RIT2: variants seen among roughly 807,000 people sequenced by gnomAD.
The protein encoded by RIT2 is Ras like without CAAX 2.
RIT2 carries 24 observed loss-of-function variants against 23.7 expected under a neutral mutation model. That is an observed-to-expected ratio of 1.01 (90% confidence interval 0.73 to 1.43). The LOEUF is 1.43. RIT2 is among the 40% of genes most tolerant of loss of function. The pLI is 0.00. For missense variants in RIT2, 236 were observed against 266.9 expected, an observed-to-expected ratio of 0.88 and a Z score of 0.81; for synonymous variants, 107 against 91.1, an observed-to-expected ratio of 1.17 and a Z score of -0.99.
chr18:42,826,921 G>A (rs914162612), intron 4 of RIT2, among the ~76,000 whole-genome samples: 2 of 151,852 alleles, frequency 1.3e-5, no homozygotes, highest in Non-Finnish European at 2.9e-5. Flanking sequence ...TGTCTCTATT[G>A]GATAAAATTA....
At chr18:42,990,912 G>GTTTTTTT (rs77172671) in intron 2 of RIT2, among the ~76,000 whole-genome samples, 11 of 133,066 alleles carry the variant, frequency 8.3e-5, no homozygotes, top group East Asian at 2.3e-4. Context: ...CACTGGTTTT[G>GTTTTTTT]TTTTTTTTTT....
chr18:43,034,759 G>A (rs1404519807), intron 1 of RIT2, among the ~76,000 whole-genome samples: 1 of 152,120 alleles, frequency 6.6e-6, no homozygotes, highest in Admixed American at 6.5e-5. Flanking sequence ...ATCCTGCTAA[G>A]TCAGTTTAGA....
At chr18:42,921,250 A>G (rs967048985) in intron 4 of RIT2, among the ~76,000 whole-genome samples, 1 of 152,152 alleles carries the variant, frequency 6.6e-6, no homozygotes, top group Admixed American at 6.6e-5. Flanking sequence ...TTTTACATCA[A>G]CACTTCATTA....
chr18:42,951,011 A>G (rs1430551587), intron 3 of RIT2, among the ~76,000 whole-genome samples: 1 of 152,096 alleles, frequency 6.6e-6, no homozygotes. Context: ...CAGTTTGAAG[A>G]TTTCTCAGAG....
At chr18:42,832,473 G>A (rs1473253688) in intron 4 of RIT2, among the ~76,000 whole-genome samples, 2 of 152,072 alleles carry the variant, frequency 1.3e-5, no homozygotes, top group Non-Finnish European at 2.9e-5. Flanking sequence ...AATTCCCACT[G>A]TCAGAACACA....
At chr18:42,846,339 TATAAA>T (rs932122095) in intron 4 of RIT2, among the ~76,000 whole-genome samples, 6 of 151,938 alleles carry the variant, frequency 3.9e-5, no homozygotes, top group African/African-American at 1.4e-4. Flanking sequence ...ATTTTATAAT[TATAAA>T]ATAAATCTGT....
At position 43,027,013 on chromosome 18, in the gene RIT2, G is replaced by A. The variant is rs138725604; in HGVS notation, c.160+6798C>T. Reference sequence around the variant, plus strand: ...TACAGAAGTTAGAGGGAAATCAAGCGAGTATGATATGTTGTATGCCAAGTG... The same window carrying A: ...TACAGAAGTTAGAGGGAAATCAAGCAAGTATGATATGTTGTATGCCAAGTG... On this transcript the variant is annotated intron_variant, in intron 2 of 4. Transcript: ENST00000326695. Among the ~76,000 whole-genome samples, 413 of 152,234 alleles carry A rather than the reference G, an allele frequency of 2.7e-3. 2 individuals are homozygous for A. The highest frequency in any genetic ancestry group is 4.7e-3 in the Admixed American group (72 of 15,278).
intron 4 of RIT2, among the ~76,000 whole-genome samples, chr18:42,827,622 T>C (rs1272433128): frequency 6.6e-6 from 1 of 151,798 alleles, no homozygotes; most frequent in Non-Finnish European, 1.5e-5. Flanking sequence ...TGGCAAAATA[T>C]AAAATAAACA....
At chr18:42,968,770 G>T (rs111453651) in intron 3 of RIT2, among the ~76,000 whole-genome samples, 232 of 152,216 alleles carry the variant, frequency 1.5e-3, no homozygotes, top group Non-Finnish European at 2.6e-3. Context: ...AGATGGACTA[G>T]GTAATACCAG....
intron 1 of RIT2, among the ~76,000 whole-genome samples, chr18:43,105,066 T>C (rs2144243707): frequency 6.6e-6 from 1 of 151,818 alleles, no homozygotes; most frequent in Non-Finnish European, 1.5e-5. Context: ...TAGCAGGCAA[T>C]TGTCCTCCAG....
At chr18:42,747,420 C>T (rs748731127) in intron 4 of RIT2, among the ~76,000 whole-genome samples, 2 of 151,908 alleles carry the variant, frequency 1.3e-5, no homozygotes, top group African/African-American at 2.4e-5. Flanking sequence ...CAAATGAAAA[C>T]ACATCCCATG....
At chr18:43,046,439 T>C (rs1312828219) in intron 1 of RIT2, among the ~76,000 whole-genome samples, 1 of 152,198 alleles carries the variant, frequency 6.6e-6, no homozygotes, top group Non-Finnish European at 1.5e-5. Flanking sequence ...GGATTTCATC[T>C]TGCCTCCACA....
chr18:42,953,740 C>A (rs1909907903), intron 3 of RIT2, among the ~76,000 whole-genome samples: 2 of 152,136 alleles, frequency 1.3e-5, no homozygotes, highest in Non-Finnish European at 2.9e-5. Context: ...AGTTGTGATG[C>A]CCCATGCTAT....
chr18:42,763,411 G>A (rs995907257), intron 4 of RIT2, among the ~76,000 whole-genome samples: 2 of 149,404 alleles, frequency 1.3e-5, no homozygotes, highest in Admixed American at 6.7e-5. Flanking sequence ...GCAGGGAGCC[G>A]AGATTGCACC....
At chr18:43,065,220 T>G (rs1252559652) in intron 1 of RIT2, among the ~76,000 whole-genome samples, 1 of 16,176 alleles carries the variant, frequency 6.2e-5, no homozygotes, top group African/African-American at 1.6e-4. Flanking sequence ...TTTTTTGGGT[T>G]TTTTTTTTTT....
chr18:42,902,826 G>T (rs560554832), intron 4 of RIT2, among the ~76,000 whole-genome samples: 17 of 151,554 alleles, frequency 1.1e-4, no homozygotes, highest in African/African-American at 4.1e-4. Context: ...AATAGGAAAT[G>T]CCAAATAAAT....
chr18:43,085,430 C>T (rs911790696), intron 1 of RIT2, among the ~76,000 whole-genome samples: 5 of 152,042 alleles, frequency 3.3e-5, no homozygotes, highest in Non-Finnish European at 7.4e-5. Context: ...CCACACAGTA[C>T]AATAAAATAC....
chr18:43,077,068 A>T (rs959843826), intron 1 of RIT2, among the ~76,000 whole-genome samples: 3 of 131,676 alleles, frequency 2.3e-5, no homozygotes, highest in Non-Finnish European at 4.6e-5. Flanking sequence ...CCGCCACTGC[A>T]CTCCAGCCTG....
chr18:42,842,854 C>A (rs1456978213), intron 4 of RIT2, among the ~76,000 whole-genome samples: 1 of 152,070 alleles, frequency 6.6e-6, no homozygotes, highest in Non-Finnish European at 1.5e-5. Context: ...AGCCTCTTAG[C>A]CTTATAATTT....
Sources: gnomAD v4.1 joint callset for allele counts (sites outside exome capture counted in the v4.1 genomes callset) on GRCh38, gnomAD v4.1.1 for gene constraint, MANE v1.5 for transcripts, NCBI Gene and HGNC (gene_info 2026-07-23, HGNC 2026-07-21) for gene names.